The following SEMA6D variants were observed in gnomAD, a reference collection of about 807,000 sequenced individuals.
SEMA6D encodes the protein semaphorin-6D.
In SEMA6D, 35 loss-of-function variants were observed where a neutral mutation model predicts 106.6. The observed-to-expected ratio is 0.33, with a 90% confidence interval of 0.25 to 0.44. The LOEUF (loss-of-function observed/expected upper bound fraction) is 0.44, where lower values mean the gene tolerates loss of function less well. Ranked by LOEUF, SEMA6D falls within the 20% of genes least tolerant of loss-of-function variation. The pLI, the probability that SEMA6D is intolerant of heterozygous loss-of-function variation, is 1.00. For synonymous variants in SEMA6D, 499 were observed against 487.7 expected (o/e 1.02, Z -0.31); for missense variants, 1,185 against 1,345.9 (o/e 0.88, Z 1.87).
intron 3 of SEMA6D, among the ~76,000 whole-genome samples, chr15:47,537,462 A>G (rs1427783353): frequency 6.6e-6 from 1 of 152,254 alleles, no homozygotes; most frequent in East Asian, 1.9e-4. Context: ...TTGAAGCATT[A>G]TGAGACATTG....
intron 1 of SEMA6D, among the ~76,000 whole-genome samples, chr15:47,333,395 G>A (rs182422187): frequency 6.6e-6 from 1 of 152,188 alleles, no homozygotes; most frequent in Non-Finnish European, 1.5e-5. Context: ...GTAAGTTGAG[G>A]CATGCTAACA....
chr15:47,413,667 G>C (rs1236578570), intron 2 of SEMA6D, among the ~76,000 whole-genome samples: 2 of 152,028 alleles, frequency 1.3e-5, no homozygotes, highest in African/African-American at 4.8e-5. Flanking sequence ...AAAAATTATA[G>C]AGATAGGGTA....
intron 1 of SEMA6D, among the ~76,000 whole-genome samples, chr15:47,245,062 T>C (rs2033129007): frequency 6.6e-6 from 1 of 151,828 alleles, no homozygotes; most frequent in Non-Finnish European, 1.5e-5. Context: ...TGGTATTCCA[T>C]GGTATATACT....
chr15:47,358,472 T>C (rs1446807045), intron 1 of SEMA6D, among the ~76,000 whole-genome samples: 1 of 152,242 alleles, frequency 6.6e-6, no homozygotes, highest in East Asian at 1.9e-4. Context: ...ATGAAGATCC[T>C]CTTAAGCATG....
At chr15:47,387,618 A>G (rs2039884988) in intron 1 of SEMA6D, among the ~76,000 whole-genome samples, 1 of 152,270 alleles carries the variant, frequency 6.6e-6, no homozygotes, top group Admixed American at 6.5e-5. Flanking sequence ...CTAACTGATT[A>G]GTTCAGGTAA....
chr15:47,521,940 G>C (rs796580736), intron 3 of SEMA6D, among the ~76,000 whole-genome samples: 2 of 151,484 alleles, frequency 1.3e-5, no homozygotes, highest in Admixed American at 1.3e-4. Context: ...AGCCGAGATG[G>C]CGCCACTGCA....
intron 1 of SEMA6D, among the ~76,000 whole-genome samples, chr15:47,191,173 C>G (rs933628633): frequency 9.2e-5 from 10 of 108,870 alleles, no homozygotes; most frequent in Middle Eastern, 5.3e-3. Context: ...TACCCTGTCT[C>G]AAAACATATA....
intron 3 of SEMA6D, among the ~76,000 whole-genome samples, chr15:47,568,224 T>G (rs2046285633): frequency 6.6e-6 from 1 of 150,608 alleles, no homozygotes; most frequent in Non-Finnish European, 1.5e-5. Flanking sequence ...AAACCGCAAT[T>G]ACTTTTGCAC....
At chr15:47,635,956 C>A (rs1446835958) in intron 4 of SEMA6D, among the ~76,000 whole-genome samples, 4 of 42,060 alleles carry the variant, frequency 9.5e-5, no homozygotes, top group African/African-American at 2.6e-4. Flanking sequence ...AACTTAAATG[C>A]TAAAAAAAAA....
chr15:47,348,748 AG>A (rs2038186957), intron 1 of SEMA6D, among the ~76,000 whole-genome samples: 1 of 147,794 alleles, frequency 6.8e-6, no homozygotes, highest in African/African-American at 2.5e-5. Flanking sequence ...AGAGAGAGAG[AG>A]AGAGAGAGAG....
intron 3 of SEMA6D, among the ~76,000 whole-genome samples, chr15:47,491,273 C>A (rs145034981): frequency 1.5e-3 from 235 of 152,254 alleles, no homozygotes; most frequent in African/African-American, 5.1e-3. Flanking sequence ...TGACAAGAGA[C>A]TGTAAAAATA....
intron 1 of SEMA6D, among the ~76,000 whole-genome samples, chr15:47,218,753 C>A (rs971737124): frequency 6.6e-6 from 1 of 152,162 alleles, no homozygotes; most frequent in African/African-American, 2.4e-5. Flanking sequence ...GACACTGTGT[C>A]AATTGTCTGA....
intron 4 of SEMA6D, among the ~76,000 whole-genome samples, chr15:47,684,255 AT>A (rs1254086514): frequency 6.6e-6 from 1 of 152,170 alleles, no homozygotes; most frequent in African/African-American, 2.4e-5. Context: ...AATAAAAAAA[AT>A]TAACGACAAT....
At chr15:47,241,366 T>C (rs1434116798) in intron 1 of SEMA6D, 1 of 152,164 alleles carries the variant, frequency 6.6e-6, no homozygotes, top group African/African-American at 2.4e-5. Context: ...TTTGCAGACC[T>C]GTATGTAAGT....
chr15:47,726,833 T>C (rs950913791), intron 1 of SEMA6D, among the ~76,000 whole-genome samples: 1 of 152,242 alleles, frequency 6.6e-6, no homozygotes, highest in Non-Finnish European at 1.5e-5. Context: ...TGTACTGTGC[T>C]GTCTTTTCAC....
intron 1 of SEMA6D, among the ~76,000 whole-genome samples, chr15:47,272,122 G>A (rs569936907): frequency 6.6e-6 from 1 of 152,182 alleles, no homozygotes; most frequent in African/African-American, 2.4e-5. Context: ...GGTGTCTGAT[G>A]ATGAGCTAGA....
intron 3 of SEMA6D, among the ~76,000 whole-genome samples, chr15:47,513,266 A>G (rs1408642102): frequency 2.0e-5 from 3 of 152,136 alleles, no homozygotes; most frequent in Non-Finnish European, 4.4e-5. Context: ...TCATGTATCT[A>G]TAAATTATAT....
chr15:47,395,562 T>A (rs753669293), intron 1 of SEMA6D: 7 of 152,232 alleles, frequency 4.6e-5, no homozygotes, highest in Non-Finnish European at 7.3e-5. Flanking sequence ...TGTCATCACC[T>A]GCTTCTCTGG....
At chr15:47,624,575 G>A (rs1389999274) in intron 4 of SEMA6D, among the ~76,000 whole-genome samples, 1 of 152,228 alleles carries the variant, frequency 6.6e-6, no homozygotes, top group Non-Finnish European at 1.5e-5. Flanking sequence ...AAGCTGAAAT[G>A]TAATATGGCA....
Sources: gnomAD v4.1 joint callset for allele counts (sites outside exome capture counted in the v4.1 genomes callset) on GRCh38, gnomAD v4.1.1 for gene constraint, MANE v1.5 for transcripts, NCBI Gene and HGNC (gene_info 2026-07-23, HGNC 2026-07-21) for gene names.